EBF3: variants seen among roughly 807,000 people sequenced by gnomAD.
EBF3 encodes the protein EBF transcription factor 3, also known as transcription factor COE3.
A neutral mutation model predicts 77.1 loss-of-function variants in EBF3; 18 were observed. The observed-to-expected ratio is 0.23, with a 90% CI of 0.16 to 0.35. The LOEUF (loss-of-function observed/expected upper bound fraction) is 0.35. Among genes scored for constraint, EBF3 ranks in the 10% least tolerant of loss-of-function variants. The pLI is 1.00. For missense variants in EBF3, 558 were observed against 860.0 expected (o/e 0.65, Z 4.39); for synonymous variants, 350 against 343.5 (o/e 1.02, Z -0.21).
At chr10:129,883,538 A>G (rs11816120) in intron 6 of EBF3, among the ~76,000 whole-genome samples, 5,258 of 152,256 alleles carry the variant, frequency 0.035, 324 homozygotes, top group African/African-American at 0.12. Flanking sequence ...CCTGCAGGCC[A>G]TCCATCAAAA....
intron 6 of EBF3, among the ~76,000 whole-genome samples, chr10:129,948,926 G>C (rs1168270022): frequency 6.6e-6 from 1 of 152,116 alleles, no homozygotes; most frequent in Non-Finnish European, 1.5e-5. Context: ...ATGAAAACTT[G>C]GAAAGGACAC....
intron 4 of EBF3, 67 bp downstream of exon 4, chr10:129,962,104 G>C: frequency 6.6e-7 from 1 of 1,505,686 alleles, no homozygotes; most frequent in Non-Finnish European, 9.2e-7. Context: ...CAGTGCCCTT[G>C]CCTCTGAAGC....
At chr10:129,891,926 G>A (rs575437185) in intron 6 of EBF3, among the ~76,000 whole-genome samples, 11 of 152,304 alleles carry the variant, frequency 7.2e-5, no homozygotes, top group African/African-American at 2.2e-4. Context: ...CCAATTATCC[G>A]GGAAATTCCG....
At chr10:129,942,149 C>G (rs1341754695) in intron 6 of EBF3, among the ~76,000 whole-genome samples, 2 of 152,194 alleles carry the variant, frequency 1.3e-5, no homozygotes, top group African/African-American at 2.4e-5. Context: ...GTTCTTAGCA[C>G]TAACTGATTT....
intron 6 of EBF3, among the ~76,000 whole-genome samples, chr10:129,904,730 CTCTA>C (rs930566157): frequency 3.8e-5 from 5 of 132,736 alleles, no homozygotes; most frequent in South Asian, 2.4e-4. Context: ...ATATAGATCT[CTCTA>C]TCCATCCATC....
chr10:129,837,143 T>C lies in EBF3; in HGVS notation c.*800A>G, dbSNP rs1564809063. 1 of 152,606 alleles carries C rather than the reference T, an allele frequency of 6.6e-6. No homozygotes were observed. The highest frequency in any genetic ancestry group is 1.5e-5 in the Non-Finnish European group (1 of 68,042). The allele number at this position is 152,606 out of a possible 1,614,324, so 9.5% of individuals were successfully genotyped here. On this transcript the variant is annotated 3_prime_UTR_variant, in exon 17 of 17. Coordinates refer to ENST00000440978, the MANE Select transcript of EBF3 (RefSeq NM_001375380.1). ...ACCTCACAGTAGCCTAAGAATGCAATAGTATACAGTGCTAGCAAAAGTTGA... is the reference window on the plus strand; with the variant it reads ...ACCTCACAGTAGCCTAAGAATGCAACAGTATACAGTGCTAGCAAAAGTTGA...
At chr10:129,914,871 G>C (rs529300202) in intron 6 of EBF3, among the ~76,000 whole-genome samples, 3 of 152,262 alleles carry the variant, frequency 2.0e-5, no homozygotes, top group African/African-American at 7.2e-5. Flanking sequence ...AGACCCTCAG[G>C]GTCCCCTAGG....
At chr10:129,899,148 G>A (rs947431447) in intron 6 of EBF3, among the ~76,000 whole-genome samples, 3 of 152,168 alleles carry the variant, frequency 2.0e-5, no homozygotes, top group African/African-American at 7.2e-5. Flanking sequence ...TCTCTTCCTC[G>A]TTTAATCTTT....
intron 6 of EBF3, among the ~76,000 whole-genome samples, chr10:129,903,902 C>G (rs1854959286): frequency 1.3e-5 from 2 of 152,164 alleles, no homozygotes; most frequent in African/African-American, 4.8e-5. Flanking sequence ...GAATGATCAG[C>G]CAGTGAAGTC....
At chr10:129,838,076 C>T (rs757232608) in intron 16 of EBF3, 116 bp from the exon 17 acceptor site, 3 of 1,259,422 alleles carry the variant, frequency 2.4e-6, no homozygotes, top group Non-Finnish European at 3.4e-6. Flanking sequence ...TGGTCTTGCA[C>T]AGTTCCGTCC....
chr10:129,948,147 A>G (rs571710590), intron 6 of EBF3, among the ~76,000 whole-genome samples: 2 of 151,624 alleles, frequency 1.3e-5, no homozygotes, highest in South Asian at 2.1e-4. Context: ...AATCACAGCT[A>G]CTTGGGAAAC....
chr10:129,851,540 T>TA (rs1206602979), intron 10 of EBF3, among the ~76,000 whole-genome samples: 1 of 152,168 alleles, frequency 6.6e-6, no homozygotes, highest in Non-Finnish European at 1.5e-5. Context: ...AAAAAAACAA[T>TA]ACGTTTCTCA....
Position 129,885,489 on chromosome 10 carries a change from T to C in EBF3, c.555-7640A>G, listed in dbSNP as rs1402821669. ...TTTCATGATAGTTTTGATAAGGTTA[T>C]CTGTTTCAAAGAAGTCAACTGCACA... On this transcript the variant is annotated intron_variant, in intron 6 of 16. Coordinates refer to ENST00000440978, the MANE Select transcript of EBF3 (RefSeq NM_001375380.1). The surrounding 1 kb of genome is among the most constrained non-coding windows in gnomAD (Gnocchi z 4.0). Among the ~76,000 whole-genome samples, 1 of 152,210 alleles carries C rather than the reference T, an allele frequency of 6.6e-6. No individual in the cohort carries two copies. Among genetic ancestry groups the C allele is most frequent in the Non-Finnish European group, 1.5e-5 (1 of 68,044 alleles).
intron 6 of EBF3, among the ~76,000 whole-genome samples, chr10:129,909,929 CAAAGTT>C (rs1378594286): frequency 6.6e-6 from 1 of 152,238 alleles, no homozygotes; most frequent in Admixed American, 6.5e-5. Flanking sequence ...ATACGCCTCA[CAAAGTT>C]AATGGGGGAT....
rs1370899195 is a variant in EBF3 at position 129,909,243 on chromosome 10, A to ATGGGTC, written c.555-31400_555-31395dup. 5.3e-5 allele frequency among the ~76,000 whole-genome samples: 8 copies of ATGGGTC among 152,336 alleles called. 1 individual carries two copies. Among genetic ancestry groups the ATGGGTC allele is most frequent in the South Asian group, 4.1e-4 (2 of 4,828 alleles). On this transcript the variant is annotated intron_variant, in intron 6 of 16. Coordinates refer to ENST00000440978, the MANE Select transcript of EBF3 (RefSeq NM_001375380.1). The stretch of plus-strand genomic sequence containing the variant: ...AGACATGGAGGGATAGGCCCTCTGC[A>ATGGGTC]TGGGTCTCTCTTGCAAGAAAGCAAA...
intron 6 of EBF3, among the ~76,000 whole-genome samples, chr10:129,891,399 G>GA (rs1409733026): frequency 1.3e-5 from 2 of 152,122 alleles, no homozygotes; most frequent in African/African-American, 4.8e-5. Flanking sequence ...CAGGAAATTG[G>GA]AATAAGGTGC....
chr10:129,866,708 C>A (rs1852036540), intron 10 of EBF3, among the ~76,000 whole-genome samples: 1 of 152,198 alleles, frequency 6.6e-6, no homozygotes, highest in East Asian at 1.9e-4. Context: ...ACTTCATCAC[C>A]TCTCTGAGCC....
chr10:129,943,557 G>A lies in EBF3; in HGVS notation c.554+13701C>T, dbSNP rs1857946010. Among the ~76,000 whole-genome samples the A allele has an allele frequency of 6.6e-6, 1 of 152,198 alleles. No individual in the cohort carries two copies. The highest frequency in any genetic ancestry group is 2.4e-5 in the African/African-American group (1 of 41,438). On this transcript the variant is annotated intron_variant, in intron 6 of 16. Transcript: ENST00000440978. This position sits in a 1 kb window ranked among gnomAD's most constrained non-coding sequence, Gnocchi z 8.8. ...GGCCTCCAGCGCACTTGGATGCTAG[G>A]GATGAGCCTCAAGTGGTTGCCAGGA...
chr10:129,958,813 A>G, intron 5 of EBF3, 121 bp downstream of exon 5: 1 of 1,342,182 alleles, frequency 7.5e-7, no homozygotes, highest in South Asian at 1.6e-5. Flanking sequence ...GGCCGATTAC[A>G]TTTCAATCGA....
Sources: allele counts gnomAD v4.1 joint callset (sites outside exome capture counted in the v4.1 genomes callset), GRCh38; gene constraint gnomAD v4.1.1; non-coding constraint Gnocchi (gnomAD v3.1); transcripts MANE v1.5; gene names NCBI Gene and HGNC (gene_info 2026-07-23, HGNC 2026-07-21).